Variants in SDSL observed in about 807,000 individuals in gnomAD.
SDSL encodes the protein serine dehydratase like.
Under a neutral mutation model 27.6 loss-of-function variants are expected in SDSL, and 26 were observed. That is an observed-to-expected ratio of 0.94 (90% CI 0.69 to 1.31). The LOEUF (loss-of-function observed/expected upper bound fraction) is 1.31. Among genes scored for constraint, SDSL ranks in the 50% most tolerant of loss-of-function variants. The pLI is 0.00. For missense variants in SDSL, 431 were observed against 423.5 expected (o/e 1.02, Z -0.16); for synonymous variants, 196 against 180.6 (o/e 1.09, Z -0.69).
intron 1 of SDSL, chr12:113,425,517 C>A (rs981184943): frequency 2.7e-6 from 1 of 374,080 alleles, no homozygotes; most frequent in South Asian, 2.0e-5. Context: ...GTTGCAGCGC[C>A]CCCCCTAGCG....
intron 5 of SDSL, 133 bp from the exon 6 acceptor site, chr12:113,435,196 T>C (rs542925558): frequency 1.8e-6 from 1 of 551,626 alleles, no homozygotes; most frequent in Non-Finnish European, 3.2e-6. Context: ...GTGGATGGGA[T>C]GGGGATGGTG....
intron 1 of SDSL, among the ~76,000 whole-genome samples, chr12:113,424,118 G>A (rs2136947099): frequency 6.6e-6 from 1 of 152,248 alleles, no homozygotes; most frequent in Non-Finnish European, 1.5e-5. Flanking sequence ...CGCCTCTCAG[G>A]TTCAAGCAAT....
intron 3 of SDSL, among the ~76,000 whole-genome samples, chr12:113,428,862 C>T (rs1170539795): frequency 6.6e-6 from 1 of 151,950 alleles, no homozygotes; most frequent in African/African-American, 2.4e-5. Flanking sequence ...CTACCAGCCT[C>T]CCAACCCTAG....
chr12:113,436,413 C>T (rs768997830), intron 6 of SDSL, among the ~76,000 whole-genome samples: 1 of 151,940 alleles, frequency 6.6e-6, no homozygotes, highest in Non-Finnish European at 1.5e-5. Flanking sequence ...CTTAGCCTCC[C>T]AAGTAGTTGG....
chr12:113,437,874 C>G lies in SDSL; in HGVS notation c.797-12C>G. ...CCCTTTCCTTCCTCTCTCCATCCCC[C>G]GATCCTGGCAGATGATGAGCGTATG... On this transcript the variant is annotated splice_polypyrimidine_tract_variant and intron_variant, in intron 7 of 7. Transcript: ENST00000403593. The G allele has an allele frequency of 6.3e-7, 1 of 1,583,610 alleles. No homozygotes were observed. The highest frequency in any genetic ancestry group is 8.6e-7 in the Non-Finnish European group (1 of 1,164,438).
At chr12:113,435,299 C>G (rs1432709816) in intron 5 of SDSL, 30 bp from the exon 6 acceptor site, 2 of 1,451,646 alleles carry the variant, frequency 1.4e-6, no homozygotes, top group Admixed American at 4.8e-5. Flanking sequence ...CTCCCTCACT[C>G]TGCTTCTCCC....
chr12:113,435,457 G>A lies in SDSL; in HGVS notation c.572G>A (p.Trp191Ter), dbSNP rs758119976. Residue 191 changes from tryptophan (W) to a stop codon, truncating the protein, a stop_gained, in exon 6 of 8, where the codon TGG becomes TAG. Coordinates refer to ENST00000403593, the MANE Select transcript of SDSL (RefSeq NM_001304993.2). LOFTEE classifies it high-confidence loss of function. ...GTGGCTGGCCTGCTGGAGGTGGGCT[G>A]GCAGCATGTACCCATCATTGCCATG... ...GVVAGLLEVG[W>*]QHVPIIAMET... 3.1e-6 allele frequency: 5 copies of A among 1,614,010 alleles called. No individual in the cohort carries two copies. In the South Asian group the frequency reaches 5.5e-5, roughly 18 times the overall value.
chr12:113,426,159 C>T (rs878970197), intron 1 of SDSL: 1 of 455,834 alleles, frequency 2.2e-6, no homozygotes, highest in Admixed American at 2.4e-5. Flanking sequence ...CCTCCTGCCC[C>T]AAACCCCTTC....
chr12:113,437,451 T>C (rs1958011308), intron 7 of SDSL, among the ~76,000 whole-genome samples: 1 of 152,048 alleles, frequency 6.6e-6, no homozygotes, highest in African/African-American at 2.4e-5. Flanking sequence ...GATGGACGGA[T>C]GGATGGATAA....
At chr12:113,430,826 A>G (rs1443040726) in intron 4 of SDSL, among the ~76,000 whole-genome samples, 1 of 152,248 alleles carries the variant, frequency 6.6e-6, no homozygotes, top group Non-Finnish European at 1.5e-5. Context: ...TCAGCTACTC[A>G]GGAGGCTGAG....
chr12:113,425,914 G>C, intron 1 of SDSL: 1 of 371,640 alleles, frequency 2.7e-6, no homozygotes, highest in Middle Eastern at 9.3e-4. Context: ...GCTTGAACCC[G>C]GGAGGCAGAG....
chr12:113,425,475 A>C lies in SDSL; in HGVS notation c.-21-2487A>C, dbSNP rs543766175. On this transcript the variant is annotated intron_variant, in intron 1 of 7. Coordinates refer to ENST00000403593, the MANE Select transcript of SDSL (RefSeq NM_001304993.2). ...CCCCAGCCATGACTTAAGGGTGGAC[A>C]AGAAGGTTAGGTTTGTGAGTGGGCA... 4.6e-5 allele frequency among the ~76,000 whole-genome samples: 7 copies of C among 152,266 alleles called. No individual in the cohort carries two copies. In the East Asian group the frequency reaches 1.4e-3, roughly 29 times the overall value.
chr12:113,428,190 G>A (rs1302855696), intron 2 of SDSL, 34 bp downstream of exon 2: 4 of 1,574,000 alleles, frequency 2.5e-6, no homozygotes, highest in Non-Finnish European at 1.7e-6. Flanking sequence ...GAGAAGTGAG[G>A]TTGTGCAGGA....
chr12:113,427,501 T>A (rs762755069), intron 1 of SDSL, among the ~76,000 whole-genome samples: 1 of 152,270 alleles, frequency 6.6e-6, no homozygotes, highest in Admixed American at 6.5e-5. Flanking sequence ...TCCTGAGAGA[T>A]GTCTTTCATG....
At chr12:113,433,029 C>T (rs186181416) in intron 4 of SDSL, among the ~76,000 whole-genome samples, 122 of 152,284 alleles carry the variant, frequency 8.0e-4, no homozygotes, top group Admixed American at 3.2e-3. Context: ...TGGGTAGATA[C>T]TCAGTAATGG....
Position 113,437,874 on chromosome 12 carries a change from C to T in SDSL, c.797-12C>T, listed in dbSNP as rs201128095. The stretch of plus-strand genomic sequence containing the variant: ...CCCTTTCCTTCCTCTCTCCATCCCC[C>T]GATCCTGGCAGATGATGAGCGTATG... On this transcript the variant is annotated splice_polypyrimidine_tract_variant and intron_variant, in intron 7 of 7. Transcript: ENST00000403593. The T allele has an allele frequency of 1.2e-5, 19 of 1,583,610 alleles. No individual in the cohort carries two copies. The highest frequency in any genetic ancestry group is 6.8e-5 in the African/African-American group (5 of 73,908).
intron 5 of SDSL, 133 bp from the exon 6 acceptor site, chr12:113,435,196 T>A (rs542925558): frequency 1.8e-6 from 1 of 551,746 alleles, no homozygotes. Context: ...GTGGATGGGA[T>A]GGGGATGGTG....
At chr12:113,436,592 A>G (rs1454735761) in intron 6 of SDSL, among the ~76,000 whole-genome samples, 159 bp from the exon 7 acceptor site, 3 of 152,104 alleles carry the variant, frequency 2.0e-5, no homozygotes, top group South Asian at 4.1e-4. Flanking sequence ...CCCGGCAAGG[A>G]CACACTATTT....
At chr12:113,428,564 C>T in intron 3 of SDSL, 105 bp downstream of exon 3, 2 of 898,114 alleles carry the variant, frequency 2.2e-6, no homozygotes, top group Non-Finnish European at 3.4e-6. Flanking sequence ...GGCCCAGCCT[C>T]ATCAAGGTCA....
Sources: allele counts gnomAD v4.1 joint callset (sites outside exome capture counted in the v4.1 genomes callset), GRCh38; gene constraint gnomAD v4.1.1; transcripts MANE v1.5; gene names NCBI Gene and HGNC (gene_info 2026-07-23, HGNC 2026-07-21).